The following GLRA2 variants were observed in gnomAD, a reference collection of about 807,000 sequenced individuals.
GLRA2 encodes glycine receptor alpha 2.
Under a neutral mutation model 31.6 loss-of-function variants are expected in GLRA2, and 11 were observed. The ratio of observed to expected loss-of-function variants is 0.35; its 90% CI spans 0.22 to 0.58. The LOEUF (loss-of-function observed/expected upper bound fraction) is 0.58. GLRA2 is among the 20% of genes least tolerant of loss of function. The pLI, the probability that GLRA2 is intolerant of heterozygous loss-of-function variation, is 0.84. For synonymous variants in GLRA2, 132 were observed against 134.0 expected, an observed-to-expected ratio of 0.99 and a Z score of 0.10; for missense variants, 212 against 351.8, an observed-to-expected ratio of 0.60 and a Z score of 3.18.
At chrX:14,659,969 T>C (rs767016747) in intron 7 of GLRA2, among the ~76,000 whole-genome samples, 8 of 112,249 alleles carry the variant, frequency 7.1e-5, no homozygotes, top group Non-Finnish European at 1.3e-4. Context: ...GAAATGTTTA[T>C]GGGGCATCTA....
At chrX:14,451,022 A>G in the GLRA2 span, among the ~76,000 whole-genome samples, 5 of 111,874 alleles carry the variant, frequency 4.5e-5, no homozygotes, top group Non-Finnish European at 9.4e-5. Flanking sequence ...TCTTAAAAAA[A>G]AAATTCCAAC....
At chrX:14,489,195 A>AT in the GLRA2 span, among the ~76,000 whole-genome samples, 1 of 112,118 alleles carries the variant, frequency 8.9e-6, no homozygotes, top group African/African-American at 3.2e-5. Context: ...ATTGATAGTC[A>AT]TTTTTTGTCC....
intron 8 of GLRA2, among the ~76,000 whole-genome samples, chrX:14,691,574 G>A (rs1465797421): frequency 4.5e-5 from 5 of 110,915 alleles, no homozygotes; most frequent in Admixed American, 1.9e-4. Context: ...CATTAGAATC[G>A]CCTGGGGATA....
intron 8 of GLRA2, among the ~76,000 whole-genome samples, chrX:14,699,140 T>C (rs1236603992): frequency 8.9e-6 from 1 of 112,251 alleles, no homozygotes; most frequent in Non-Finnish European, 1.9e-5. Flanking sequence ...CCCAGGTCTA[T>C]GCAATAAAAC....
chrX:14,683,684 A>C (rs1003796070), intron 7 of GLRA2, among the ~76,000 whole-genome samples: 1 of 111,515 alleles, frequency 9.0e-6, no homozygotes, highest in Non-Finnish European at 1.9e-5. Flanking sequence ...TTTTAGGTCT[A>C]ACATTTAAGT....
At chrX:14,469,751 C>T in the GLRA2 span, among the ~76,000 whole-genome samples, 5 of 103,249 alleles carry the variant, frequency 4.8e-5, no homozygotes, top group South Asian at 4.8e-4. Flanking sequence ...TGCTAAATGA[C>T]GAGTTAATGG....
chrX:14,560,838 T>C (rs1040347261), intron 2 of GLRA2, among the ~76,000 whole-genome samples: 14 of 107,480 alleles, frequency 1.3e-4, no homozygotes, highest in African/African-American at 4.4e-4. Flanking sequence ...ATAGTAACAT[T>C]TATTGTGAAC....
chrX:14,499,806 G>A, the GLRA2 span, among the ~76,000 whole-genome samples: 1 of 110,862 alleles, frequency 9.0e-6, no homozygotes, highest in Non-Finnish European at 1.9e-5. Flanking sequence ...ATCATGCACT[G>A]TAATCTTGTA....
intron 3 of GLRA2, among the ~76,000 whole-genome samples, chrX:14,575,784 G>T (rs112196721): frequency 2.7e-5 from 3 of 111,516 alleles, no homozygotes; most frequent in African/African-American, 9.8e-5. Flanking sequence ...CTTCATAAAT[G>T]TCATGGTCAT....
At chrX:14,689,905 T>C (rs2091325900) in intron 7 of GLRA2, among the ~76,000 whole-genome samples, 1 of 112,366 alleles carries the variant, frequency 8.9e-6, no homozygotes, top group African/African-American at 3.2e-5. Context: ...TTTCAGAATC[T>C]ACTTTGTCAA....
chrX:14,472,103 A>T, the GLRA2 span, among the ~76,000 whole-genome samples: 1 of 111,739 alleles, frequency 8.9e-6, no homozygotes, highest in Non-Finnish European at 1.9e-5. Flanking sequence ...CCTAACGTAA[A>T]TTTTTTCCCA....
At chrX:14,493,770 C>CAT in the GLRA2 span, among the ~76,000 whole-genome samples, 8 of 98,333 alleles carry the variant, frequency 8.1e-5, no homozygotes, top group African/African-American at 2.0e-4. Flanking sequence ...CATATGTATA[C>CAT]ATATATATAT....
chrX:14,678,530 G>A (rs2091167378), intron 7 of GLRA2, among the ~76,000 whole-genome samples: 1 of 111,302 alleles, frequency 9.0e-6, no homozygotes, highest in South Asian at 3.8e-4. Flanking sequence ...GCAATAGATT[G>A]AGTATTAGAG....
At chrX:14,493,545 TTATATACATATATACACATATATACA>T in the GLRA2 span, among the ~76,000 whole-genome samples, 90 of 95,934 alleles carry the variant, frequency 9.4e-4, 2 homozygotes, top group East Asian at 0.022. Flanking sequence ...ATATATATAC[TTATATACATATATACACATATATACA>T]TATATACATA....
intron 2 of GLRA2, among the ~76,000 whole-genome samples, chrX:14,558,597 T>C (rs2089682655): frequency 8.9e-6 from 1 of 111,773 alleles, no homozygotes; most frequent in Admixed American, 9.5e-5. Flanking sequence ...GGATTCTCTC[T>C]TTTCTCTTTA....
At chrX:14,690,491 C>T (rs1465430172) in intron 7 of GLRA2, among the ~76,000 whole-genome samples, 4 of 111,726 alleles carry the variant, frequency 3.6e-5, no homozygotes, top group Non-Finnish European at 3.8e-5. Context: ...GCTACTGGTT[C>T]AGGGGCGTGT....
chrX:14,533,067 T>C (rs1285308141), intron 2 of GLRA2, among the ~76,000 whole-genome samples: 1 of 111,277 alleles, frequency 9.0e-6, no homozygotes, highest in Non-Finnish European at 1.9e-5. Context: ...TTTAAATATA[T>C]TTAGTTTATT....
chrX:14,572,339 T>A (rs1421922574), intron 2 of GLRA2, among the ~76,000 whole-genome samples: 1 of 112,236 alleles, frequency 8.9e-6, no homozygotes, highest in African/African-American at 3.2e-5. Context: ...ATCATTCATT[T>A]TTCTATCTAT....
At chrX:14,485,184 T>A in the GLRA2 span, among the ~76,000 whole-genome samples, 2 of 112,167 alleles carry the variant, frequency 1.8e-5, no homozygotes, top group Non-Finnish European at 3.8e-5. Context: ...CAAGCATAAC[T>A]CAGAATCATC....
Sources: allele counts gnomAD v4.1 joint callset (sites outside exome capture counted in the v4.1 genomes callset), GRCh38; gene constraint gnomAD v4.1.1; transcripts MANE v1.5; gene names NCBI Gene and HGNC (gene_info 2026-07-23, HGNC 2026-07-21).